KDM4C: variants seen among roughly 807,000 people sequenced by gnomAD.
KDM4C encodes lysine demethylase 4C, also known as lysine-specific demethylase 4C.
Under a neutral mutation model 129.3 loss-of-function variants are expected in KDM4C, and 81 were observed. The observed-to-expected ratio is 0.63, with a 90% CI of 0.52 to 0.75. The LOEUF (loss-of-function observed/expected upper bound fraction) is 0.75. Among genes scored for constraint, KDM4C ranks in the 30% least tolerant of loss-of-function variants. The pLI is 0.00. For missense variants in KDM4C, 1,457 were observed against 1,304.0 expected (o/e 1.12, Z -1.81); for synonymous variants, 573 against 456.1 (o/e 1.26, Z -3.26).
chr9:7,145,335 A>T (rs1179025588), intron 19 of KDM4C, among the ~76,000 whole-genome samples: 1 of 152,164 alleles, frequency 6.6e-6, no homozygotes, highest in Non-Finnish European at 1.5e-5. Context: ...AGCCTTGCCC[A>T]TACTTCTAAT....
intron 18 of KDM4C, among the ~76,000 whole-genome samples, chr9:7,109,172 T>G (rs1838036104): frequency 6.6e-6 from 1 of 152,210 alleles, no homozygotes; most frequent in African/African-American, 2.4e-5. Context: ...TGTAGGCTGT[T>G]GCCAGATCTG....
intron 17 of KDM4C, among the ~76,000 whole-genome samples, chr9:7,055,639 G>C (rs1286895142): frequency 6.6e-6 from 1 of 152,202 alleles, no homozygotes; most frequent in Non-Finnish European, 1.5e-5. Flanking sequence ...TGGTTTCACT[G>C]TGGTATTCCA....
At chr9:6,996,425 T>A (rs1175875709) in intron 12 of KDM4C, among the ~76,000 whole-genome samples, 1 of 152,252 alleles carries the variant, frequency 6.6e-6, no homozygotes, top group Non-Finnish European at 1.5e-5. Flanking sequence ...TCCCAACATT[T>A]CTTATTTTAC....
Position 6,758,146 on chromosome 9 carries a change from C to T in KDM4C, c.-75C>T, listed in dbSNP as rs968910414. 2 of 985,606 alleles carry T rather than the reference C, an allele frequency of 2.0e-6. No individual in the cohort carries two copies. The highest frequency in any genetic ancestry group is 2.4e-6 in the Non-Finnish European group (2 of 830,174). The allele number at this position is 985,606 out of a possible 1,614,324, so 61.1% of individuals were successfully genotyped here. ...TTCCCAAATCTCCCTGGGCCGGAGG[C>T]CACTGTCTTCTCTTCCTCCTCCACC... On this transcript the variant is annotated 5_prime_UTR_variant, in exon 1 of 22. Transcript: ENST00000381309. This position sits in a 1 kb window ranked among gnomAD's most constrained non-coding sequence, Gnocchi z 4.6.
chr9:7,061,550 AAG>A (rs3072769), intron 17 of KDM4C, among the ~76,000 whole-genome samples: 81,154 of 151,818 alleles, frequency 0.53, 22,708 homozygotes, highest in Non-Finnish European at 0.63. Flanking sequence ...TTTTATTGGG[AAG>A]AGATACTGGT....
At chr9:6,790,571 C>A (rs1317065598) in intron 1 of KDM4C, among the ~76,000 whole-genome samples, 5 of 143,860 alleles carry the variant, frequency 3.5e-5, no homozygotes, top group Admixed American at 2.9e-4. Context: ...TCTGTTTTAA[C>A]CTGTTACTAT....
chr9:6,960,626 C>T (rs1054312169), intron 8 of KDM4C, among the ~76,000 whole-genome samples: 5 of 152,094 alleles, frequency 3.3e-5, no homozygotes, highest in South Asian at 2.1e-4. Context: ...TAAAGAGTGT[C>T]GTAGGGAGAA....
chr9:6,764,191 G>A (rs1410637415), intron 1 of KDM4C, among the ~76,000 whole-genome samples: 2 of 152,204 alleles, frequency 1.3e-5, no homozygotes, highest in Non-Finnish European at 2.9e-5. Context: ...AATGGTAGGA[G>A]TACTTACAAT....
chr9:6,924,756 A>G (rs995109554), intron 8 of KDM4C: 19 of 984,380 alleles, frequency 1.9e-5, no homozygotes, highest in East Asian at 2.3e-4. Context: ...ATTAAACACA[A>G]AAACTTAAAA....
rs148490331 is a variant in KDM4C at position 6,838,338 on chromosome 9, C to T, written c.436-11169C>T. Among the ~76,000 whole-genome samples the T allele has an allele frequency of 3.3e-5, 5 of 152,238 alleles. No individual in the cohort carries two copies. The East Asian group carries it at 9.7e-4, about 29-fold the overall frequency. ...GTGTTGGCTTTCTTCCCGGTATGCA[C>T]AGTGATCTTTGCTTGTATGCGTAGA... On this transcript the variant is annotated intron_variant, in intron 4 of 21. Coordinates refer to ENST00000381309, the MANE Select transcript of KDM4C (RefSeq NM_015061.6).
Position 6,835,465 on chromosome 9 carries a change from G to C in KDM4C, c.436-14042G>C, listed in dbSNP as rs1588597556. 2.2e-6 allele frequency: 3 copies of C among 1,337,052 alleles called. No homozygotes were observed. In the East Asian group the frequency reaches 6.9e-5, roughly 31 times the overall value. The allele number at this position is 1,337,052 out of a possible 1,614,324, so 82.8% of individuals were successfully genotyped here. ...TGCTCCTCCTGAGCTCAAGCACTCTGTGTGGATTGGCGGCTCCATCCTGGC... is the reference window on the plus strand; with the variant it reads ...TGCTCCTCCTGAGCTCAAGCACTCTCTGTGGATTGGCGGCTCCATCCTGGC... On this transcript the variant is annotated intron_variant, in intron 4 of 21. Coordinates refer to ENST00000381309, the MANE Select transcript of KDM4C (RefSeq NM_015061.6).
chr9:6,736,623 C>T (rs1367165325), intron 1 of KDM4C, among the ~76,000 whole-genome samples: 1 of 152,026 alleles, frequency 6.6e-6, no homozygotes, highest in Non-Finnish European at 1.5e-5. Context: ...TTGGGAACCT[C>T]AATTAGGAAG....
At chr9:6,898,826 A>AAT (rs1816880568) in intron 8 of KDM4C, among the ~76,000 whole-genome samples, 1 of 152,200 alleles carries the variant, frequency 6.6e-6, no homozygotes, top group African/African-American at 2.4e-5. Context: ...AGTCTTTATT[A>AAT]AAACAATCAG....
chr9:6,865,065 G>A (rs78595544), intron 5 of KDM4C, among the ~76,000 whole-genome samples: 21,684 of 142,926 alleles, frequency 0.15, 1,888 homozygotes, highest in South Asian at 0.35. Flanking sequence ...CTGGAGTGCA[G>A]TGACGCGATC....
At position 7,158,678 on chromosome 9, in the gene KDM4C, T is replaced by C. The variant is rs370276532; in HGVS notation, c.2782-6560T>C. ...GAGTGAGTTTCTTTATCCTGAGTTCTAATTTGATTGCACTGTGGTCTGAGA... is the reference window on the plus strand; with the variant it reads ...GAGTGAGTTTCTTTATCCTGAGTTCCAATTTGATTGCACTGTGGTCTGAGA... On this transcript the variant is annotated intron_variant, in intron 19 of 21. Coordinates refer to ENST00000381309, the MANE Select transcript of KDM4C (RefSeq NM_015061.6). 2.4e-4 allele frequency among the ~76,000 whole-genome samples: 37 copies of C among 152,336 alleles called. No homozygotes were observed. In the East Asian group the frequency reaches 6.6e-3, roughly 27 times the overall value.
intron 21 of KDM4C, among the ~76,000 whole-genome samples, chr9:7,171,429 C>T (rs971823192): frequency 9.9e-5 from 15 of 152,158 alleles, no homozygotes; most frequent in African/African-American, 3.6e-4. Context: ...AGCTTCGTCT[C>T]GTTCTGTATT....
chr9:6,764,369 T>G (rs371186907), intron 1 of KDM4C, among the ~76,000 whole-genome samples: 4 of 152,362 alleles, frequency 2.6e-5, no homozygotes, highest in African/African-American at 9.6e-5. Flanking sequence ...CCTAATTGGT[T>G]CATTTATATG....
intron 17 of KDM4C, among the ~76,000 whole-genome samples, chr9:7,059,872 T>C (rs896122235): frequency 4.6e-5 from 7 of 152,126 alleles, no homozygotes; most frequent in East Asian, 1.9e-4. Context: ...TTCATAAATA[T>C]ATATTTTTAA....
At chr9:6,863,840 C>G (rs779836580) in intron 5 of KDM4C, among the ~76,000 whole-genome samples, 1 of 150,378 alleles carries the variant, frequency 6.6e-6, no homozygotes, top group Non-Finnish European at 1.5e-5. Context: ...GAGGGCCAGG[C>G]TCTTTTTAAC....
Sources: allele counts gnomAD v4.1 joint callset (sites outside exome capture counted in the v4.1 genomes callset), GRCh38; gene constraint gnomAD v4.1.1; non-coding constraint Gnocchi (gnomAD v3.1); transcripts MANE v1.5; gene names NCBI Gene and HGNC (gene_info 2026-07-23, HGNC 2026-07-21).